The following CLGN variants were observed in gnomAD, a reference collection of about 807,000 sequenced individuals.
CLGN encodes testis tissue sperm-binding protein Li 79P.
Under a neutral mutation model 79.1 loss-of-function variants are expected in CLGN, and 62 were observed. The observed-to-expected ratio is 0.78, with a 90% CI of 0.64 to 0.97. The LOEUF (loss-of-function observed/expected upper bound fraction) is 0.97, where lower values mean the gene tolerates loss of function less well. CLGN is among the 50% of genes least tolerant of loss of function. CLGN has a pLI of 0.00. For missense variants in CLGN, 647 were observed against 715.5 expected, an observed-to-expected ratio of 0.90 and a Z score of 1.09; for synonymous variants, 225 against 224.7, an observed-to-expected ratio of 1.00 and a Z score of -0.01.
intron 2 of CLGN, among the ~76,000 whole-genome samples, chr4:140,411,345 T>C (rs1220763615): frequency 1.3e-5 from 2 of 152,100 alleles, no homozygotes; most frequent in African/African-American, 4.8e-5. Flanking sequence ...CAAGACTGTC[T>C]GGCTCCAAAG....
intron 8 of CLGN, among the ~76,000 whole-genome samples, chr4:140,396,431 T>C (rs1044045008): frequency 2.0e-5 from 3 of 152,184 alleles, no homozygotes; most frequent in African/African-American, 4.8e-5. Flanking sequence ...TTTTTTTTAA[T>C]ACGAATGATA....
chr4:140,427,294 G>A (rs1339848765), intron 1 of CLGN, among the ~76,000 whole-genome samples: 3 of 152,166 alleles, frequency 2.0e-5, no homozygotes, highest in Non-Finnish European at 4.4e-5. Context: ...AGACACAAAG[G>A]GTCCCAGGTG....
intron 1 of CLGN, among the ~76,000 whole-genome samples, chr4:140,419,583 T>C (rs1417367308): frequency 6.6e-6 from 1 of 152,140 alleles, no homozygotes; most frequent in Non-Finnish European, 1.5e-5. Context: ...AAATTTAATG[T>C]GGTAGAGTTT....
chr4:140,425,850 A>G lies in CLGN; in HGVS notation c.-10+1687T>C, dbSNP rs1482585466. 1.7e-4 allele frequency among the ~76,000 whole-genome samples: 26 copies of G among 151,954 alleles called. 1 individual carries two copies. Among genetic ancestry groups the G allele is most frequent in the Admixed American group, 1.6e-3 (25 of 15,258 alleles). Reference sequence around the variant, plus strand: ...CACCATATTGGTCAGGCTGGTCTCCAACTCCTAACCTCAGGTGATCCGCCC... The same window carrying G: ...CACCATATTGGTCAGGCTGGTCTCCGACTCCTAACCTCAGGTGATCCGCCC... On this transcript the variant is annotated intron_variant, in intron 1 of 14. Transcript: ENST00000325617.
In CLGN at chr4:140,427,607, C is replaced by G. The variant is rs1016984754; in HGVS notation, c.-80G>C. 1 of 152,386 alleles carries G rather than the reference C, an allele frequency of 6.6e-6. No homozygotes were observed. The highest frequency in any genetic ancestry group is 2.4e-5 in the African/African-American group (1 of 41,470). The allele number at this position is 152,386 out of a possible 1,614,324, so 9.4% of individuals were successfully genotyped here. A position where few individuals can be genotyped will look rare whatever the true frequency, so the allele number is the denominator to read the frequency against. ...TCGTTGCCACTTGGTCCCCGCGTCTCTTCAGACCAGTCCCGCCGGCGGCCG... is the reference window on the plus strand; with the variant it reads ...TCGTTGCCACTTGGTCCCCGCGTCTGTTCAGACCAGTCCCGCCGGCGGCCG... On this transcript the variant is annotated 5_prime_UTR_variant, in exon 1 of 15. Transcript: ENST00000325617.
intron 8 of CLGN, 127 bp downstream of exon 8, chr4:140,398,724 A>T: frequency 1.3e-6 from 1 of 743,332 alleles, no homozygotes; most frequent in Non-Finnish European, 2.1e-6. Flanking sequence ...TATTTCACCC[A>T]AAATACTAAA....
chr4:140,419,514 AAAACC>A (rs1456095311), intron 1 of CLGN, among the ~76,000 whole-genome samples: 18 of 152,260 alleles, frequency 1.2e-4, no homozygotes, highest in Non-Finnish European at 2.2e-4. Context: ...TTATAATTAT[AAAACC>A]AAAATACATT....
intron 1 of CLGN, among the ~76,000 whole-genome samples, chr4:140,418,260 C>T (rs1388365138): frequency 2.6e-5 from 4 of 151,462 alleles, no homozygotes; most frequent in Non-Finnish European, 5.9e-5. Context: ...TAGAAGAAAA[C>T]CTAGGCATTA....
Position 140,400,569 on chromosome 4 carries a change from T to TTTCCTTCAAAGAGAGA in CLGN, c.502-21_502-20insTCTCTCTTTGAAGGAA, listed in dbSNP as rs1560741491. On this transcript the variant is annotated intron_variant, in intron 6 of 14. Coordinates refer to ENST00000325617, the MANE Select transcript of CLGN (RefSeq NM_004362.3). ...GTTTTCCTTCAAAGAGAGATGAGTG[T>TTTCCTTCAAAGAGAGA]TGGCATTAGTCCAGAATCACAGACT... is the stretch of plus-strand genomic sequence containing the variant. 6.7e-7 allele frequency: 1 copy of TTTCCTTCAAAGAGAGA among 1,493,840 alleles called. No homozygotes were observed. Among genetic ancestry groups the TTTCCTTCAAAGAGAGA allele is most frequent in the South Asian group, 1.2e-5 (1 of 83,422 alleles). 92.5% of individuals were successfully genotyped at this position (1,493,840 alleles called of 1,614,324 possible).
rs1729012303 is a variant in CLGN, at chr4:140,402,190, T to A, written c.420-124A>T. The stretch of plus-strand genomic sequence containing the variant: ...TTTTTTTACATTATCAGAAAACTCA[T>A]ATAAAGCATATCTACAACCTATAGG... On this transcript the variant is annotated intron_variant, in intron 5 of 14. Coordinates refer to ENST00000325617, the MANE Select transcript of CLGN (RefSeq NM_004362.3). 5 of 511,654 alleles carry A rather than the reference T, an allele frequency of 9.8e-6. No homozygotes were observed. The South Asian group carries it at 2.0e-4, about 20-fold the overall frequency. 31.7% of individuals were successfully genotyped at this position (511,654 alleles called of 1,614,324 possible).
At chr4:140,393,212 G>A (rs1348466237) in intron 11 of CLGN, among the ~76,000 whole-genome samples, 3 of 151,958 alleles carry the variant, frequency 2.0e-5, no homozygotes, top group Non-Finnish European at 2.9e-5. Context: ...AAATGTTTTA[G>A]TTACAAGAGG....
chr4:140,414,630 C>G (rs924094932), intron 1 of CLGN, among the ~76,000 whole-genome samples: 2 of 143,714 alleles, frequency 1.4e-5, no homozygotes, highest in Non-Finnish European at 3.1e-5. Context: ...TGAAATGAAG[C>G]GAGAAGGGAA....
chr4:140,413,170 C>A, intron 1 of CLGN, 83 bp from the exon 2 acceptor site: 6 of 984,674 alleles, frequency 6.1e-6, no homozygotes, highest in Admixed American at 2.6e-5. Context: ...AATAATTTCT[C>A]CATAATAGCT....
At chr4:140,421,225 C>G (rs938061423) in intron 1 of CLGN, among the ~76,000 whole-genome samples, 2 of 152,110 alleles carry the variant, frequency 1.3e-5, no homozygotes, top group Non-Finnish European at 1.5e-5. Context: ...TGGGTTGCTT[C>G]CACCTGTTGG....
In CLGN at chr4:140,400,568, G is replaced by A. The variant is rs1478541839; in HGVS notation, c.502-19C>T. 6.7e-7 allele frequency: 1 copy of A among 1,490,126 alleles called. No individual in the cohort carries two copies. Among genetic ancestry groups the A allele is most frequent in the Admixed American group, 1.9e-5 (1 of 53,584 alleles). The allele number at this position is 1,490,126 out of a possible 1,614,324, so 92.3% of individuals were successfully genotyped here. A position where few individuals can be genotyped will look rare whatever the true frequency, so the allele number is the denominator to read the frequency against. On this transcript the variant is annotated intron_variant, in intron 6 of 14. Coordinates refer to ENST00000325617, the MANE Select transcript of CLGN (RefSeq NM_004362.3). ...AGTTTTCCTTCAAAGAGAGATGAGT[G>A]TTGGCATTAGTCCAGAATCACAGAC...
intron 1 of CLGN, among the ~76,000 whole-genome samples, chr4:140,419,391 C>A (rs1184785231): frequency 6.6e-6 from 1 of 151,928 alleles, no homozygotes; most frequent in Non-Finnish European, 1.5e-5. Flanking sequence ...TAGTAGTTAT[C>A]AAACACAAAT....
rs1728726784 is a variant in CLGN at position 140,389,105 on chromosome 4, A to G, written c.*119T>C. ...AGGACTAAAATAAATGTCTGAAAGAATATAATGTTGCTAGATATTAGAAAC... is the reference window on the plus strand; with the variant it reads ...AGGACTAAAATAAATGTCTGAAAGAGTATAATGTTGCTAGATATTAGAAAC... On this transcript the variant is annotated 3_prime_UTR_variant, in exon 15 of 15. Coordinates refer to ENST00000325617, the MANE Select transcript of CLGN (RefSeq NM_004362.3). The G allele has an allele frequency of 2.7e-6, 2 of 742,530 alleles. No individual in the cohort carries two copies. The highest frequency in any genetic ancestry group is 1.8e-5 in the South Asian group (1 of 55,766). The allele number at this position is 742,530 out of a possible 1,614,324, so 46.0% of individuals were successfully genotyped here.
intron 1 of CLGN, among the ~76,000 whole-genome samples, 160 bp from the exon 2 acceptor site, chr4:140,413,247 G>A (rs1424540769): frequency 1.3e-5 from 2 of 152,208 alleles, no homozygotes; most frequent in Non-Finnish European, 2.9e-5. Flanking sequence ...CTTTGAGCAA[G>A]TGAAAATACA....
intron 5 of CLGN, among the ~76,000 whole-genome samples, chr4:140,404,832 T>G (rs994433615): frequency 6.6e-6 from 1 of 151,876 alleles, no homozygotes; most frequent in Non-Finnish European, 1.5e-5. Context: ...TTTTTAAAAT[T>G]TTTTTGTAGA....
Sources: gnomAD v4.1 joint callset for allele counts (sites outside exome capture counted in the v4.1 genomes callset) on GRCh38, gnomAD v4.1.1 for gene constraint, MANE v1.5 for transcripts, NCBI Gene and HGNC (gene_info 2026-07-23, HGNC 2026-07-21) for gene names.